The following FRMPD4 variants were observed in gnomAD, a reference collection of about 807,000 sequenced individuals.
FRMPD4 encodes the protein FERM and PDZ domain containing 4, also known as FERM and PDZ domain-containing protein 4.
Under a neutral mutation model 94.1 loss-of-function variants are expected in FRMPD4, and 22 were observed. The observed-to-expected ratio is 0.23, with a 90% CI of 0.17 to 0.33. The LOEUF is 0.33. Among genes scored for constraint, FRMPD4 ranks in the 10% least tolerant of loss-of-function variants. FRMPD4 has a pLI of 1.00. For missense variants in FRMPD4, 1,111 were observed against 1,339.9 expected, an observed-to-expected ratio of 0.83 and a Z score of 2.67; for synonymous variants, 631 against 548.6, an observed-to-expected ratio of 1.15 and a Z score of -2.10.
At chrX:12,576,274 T>G (rs1037952342) in intron 2 of FRMPD4, among the ~76,000 whole-genome samples, 1 of 112,726 alleles carries the variant, frequency 8.9e-6, no homozygotes. Context: ...GACTTCAAGT[T>G]GGACCCAAAA....
At chrX:12,185,172 A>G (rs903583804) in intron 1 of FRMPD4, among the ~76,000 whole-genome samples, 1 of 111,985 alleles carries the variant, frequency 8.9e-6, no homozygotes, top group African/African-American at 3.2e-5. Flanking sequence ...TTATTTAGTT[A>G]ATAAACTAAT....
At chrX:11,910,483 G>T (rs1028446255) in intron 3 of FRMPD4, among the ~76,000 whole-genome samples, 12 of 109,767 alleles carry the variant, frequency 1.1e-4, no homozygotes, top group Non-Finnish European at 2.1e-4. Context: ...GCAGTGGTGT[G>T]ATCTCGGCTC....
chrX:12,108,226 C>T (rs1292437478), intron 3 of FRMPD4, among the ~76,000 whole-genome samples: 7 of 111,773 alleles, frequency 6.3e-5, no homozygotes, highest in East Asian at 2.8e-4. Flanking sequence ...GCTGATCTCT[C>T]GGCAGAAACT....
intron 4 of FRMPD4, among the ~76,000 whole-genome samples, chrX:12,623,166 GAAAGAA>G (rs1232144048): frequency 1.6e-3 from 3 of 1,844 alleles, no homozygotes; most frequent in African/African-American, 4.1e-3. Context: ...GAGAAAGAAA[GAAAGAA>G]AGAAAGAAAG....
chrX:12,270,951 C>A (rs1417553591), intron 1 of FRMPD4, among the ~76,000 whole-genome samples: 1 of 111,864 alleles, frequency 8.9e-6, no homozygotes, highest in African/African-American at 3.3e-5. Flanking sequence ...ATTATTTTTG[C>A]AATTTCTTGT....
intron 3 of FRMPD4, among the ~76,000 whole-genome samples, chrX:11,988,131 G>T (rs1327505001): frequency 9.0e-6 from 1 of 111,481 alleles, no homozygotes; most frequent in African/African-American, 3.3e-5. Flanking sequence ...AATAGCCAAA[G>T]CTATGCTGAG....
At chrX:12,559,696 C>A (rs1206605886) in intron 2 of FRMPD4, among the ~76,000 whole-genome samples, 1 of 108,538 alleles carries the variant, frequency 9.2e-6, no homozygotes, top group Non-Finnish European at 1.9e-5. Context: ...AAAGAATCAA[C>A]CTTCCTTAAA....
At chrX:12,055,575 G>T (rs769224526) in intron 3 of FRMPD4, among the ~76,000 whole-genome samples, 5 of 111,901 alleles carry the variant, frequency 4.5e-5, no homozygotes, top group African/African-American at 6.5e-5. Context: ...GCAGAACCAC[G>T]TGCCAATTAA....
At chrX:12,051,921 T>C (rs2147451882) in intron 3 of FRMPD4, among the ~76,000 whole-genome samples, 1 of 111,789 alleles carries the variant, frequency 8.9e-6, no homozygotes, top group Admixed American at 9.5e-5. Flanking sequence ...ATATTACAAA[T>C]GCTTCAGAAG....
At chrX:12,317,876 G>A (rs1207456004) in intron 1 of FRMPD4, among the ~76,000 whole-genome samples, 2 of 112,029 alleles carry the variant, frequency 1.8e-5, no homozygotes, top group Non-Finnish European at 3.8e-5. Flanking sequence ...TACGGTCACT[G>A]TGGAAAACAG....
intron 2 of FRMPD4, among the ~76,000 whole-genome samples, chrX:12,535,363 C>T (rs1233473549): frequency 9.0e-6 from 1 of 111,628 alleles, no homozygotes; most frequent in Non-Finnish European, 1.9e-5. Flanking sequence ...GCCTATGGCA[C>T]AAAACATGTT....
chrX:12,665,664 C>A (rs1220255800), intron 4 of FRMPD4, among the ~76,000 whole-genome samples: 1 of 111,916 alleles, frequency 8.9e-6, no homozygotes, highest in African/African-American at 3.2e-5. Context: ...AATTTCATAT[C>A]CAGCCACACT....
chrX:12,167,850 T>C (rs1405628308), intron 1 of FRMPD4, among the ~76,000 whole-genome samples: 1 of 112,235 alleles, frequency 8.9e-6, no homozygotes, highest in African/African-American at 3.2e-5. Flanking sequence ...AAATTATTTG[T>C]CTTCCAGGAA....
chrX:12,301,129 G>T (rs1345951592), intron 1 of FRMPD4, among the ~76,000 whole-genome samples: 1 of 110,542 alleles, frequency 9.0e-6, no homozygotes, highest in Non-Finnish European at 1.9e-5. Context: ...CCTTCTCAAG[G>T]TGTCTCAAGT....
At chrX:12,579,854 G>A (rs2058847894) in intron 2 of FRMPD4, among the ~76,000 whole-genome samples, 2 of 111,641 alleles carry the variant, frequency 1.8e-5, no homozygotes, top group Admixed American at 9.5e-5. Context: ...GAGATTGAAG[G>A]AAAGAAGACA....
chrX:12,719,994 A>AGGAAAGGAAAG (rs1187065261), intron 16 of FRMPD4, among the ~76,000 whole-genome samples: 5 of 81,954 alleles, frequency 6.1e-5, no homozygotes, highest in African/African-American at 2.1e-4. Context: ...AAGAAAGGAA[A>AGGAAAGGAAAG]GAAAGGAAAG....
intron 1 of FRMPD4, among the ~76,000 whole-genome samples, chrX:12,473,339 G>A (rs1601989059): frequency 9.1e-6 from 1 of 109,810 alleles, no homozygotes; most frequent in East Asian, 2.8e-4. Flanking sequence ...AGGAACAACT[G>A]GTACCAGCCA....
chrX:12,342,638 C>T (rs2055634152), intron 1 of FRMPD4, among the ~76,000 whole-genome samples: 1 of 111,875 alleles, frequency 8.9e-6, no homozygotes, highest in Admixed American at 9.4e-5. Context: ...AAGTAGAAAG[C>T]AAATGTTTGT....
intron 1 of FRMPD4, among the ~76,000 whole-genome samples, chrX:12,156,706 TACAC>T (rs1688652295): frequency 9.1e-6 from 1 of 110,068 alleles, no homozygotes; most frequent in African/African-American, 3.4e-5. Context: ...ATAAAGATAA[TACAC>T]AATTAAGTAA....
Sources: allele counts gnomAD v4.1 joint callset (sites outside exome capture counted in the v4.1 genomes callset), GRCh38; gene constraint gnomAD v4.1.1; transcripts MANE v1.5; gene names NCBI Gene and HGNC (gene_info 2026-07-23, HGNC 2026-07-21).